DOCK10: variants seen among roughly 807,000 people sequenced by gnomAD.
The protein encoded by DOCK10 is dedicator of cytokinesis protein 10.
A neutral mutation model predicts 280.1 loss-of-function variants in DOCK10; 145 were observed. The ratio of observed to expected loss-of-function variants is 0.52; its 90% confidence interval spans 0.45 to 0.59. The LOEUF (loss-of-function observed/expected upper bound fraction) is 0.59. DOCK10 is among the 20% of genes least tolerant of loss of function. DOCK10 has a pLI of 0.00. For missense variants in DOCK10, 2,368 were observed against 2,651.7 expected, an observed-to-expected ratio of 0.89 and a Z score of 2.35; for synonymous variants, 915 against 942.2, an observed-to-expected ratio of 0.97 and a Z score of 0.53.
intron 3 of DOCK10, among the ~76,000 whole-genome samples, chr2:224,902,357 C>T (rs879941545): frequency 3.3e-5 from 5 of 152,084 alleles, no homozygotes; most frequent in Admixed American, 2.6e-4. Flanking sequence ...TTAATGCAAG[C>T]ATAAATGGTG....
chr2:224,982,582 T>C, intron 1 of DOCK10: 1 of 901,860 alleles, frequency 1.1e-6, no homozygotes, highest in Non-Finnish European at 1.3e-6. Flanking sequence ...CTCAGGAATA[T>C]TAGAGCACTG....
chr2:224,790,202 T>C (rs1300978376), intron 47 of DOCK10, among the ~76,000 whole-genome samples: 2 of 152,220 alleles, frequency 1.3e-5, no homozygotes, highest in African/African-American at 4.8e-5. Flanking sequence ...CAGTTGATAA[T>C]GGGTAACATT....
intron 20 of DOCK10, 45 bp from the exon 21 acceptor site, chr2:224,845,369 A>T: frequency 6.4e-7 from 1 of 1,568,900 alleles, no homozygotes; most frequent in Non-Finnish European, 8.6e-7. Context: ...ACAAACCTCC[A>T]TGGTAAGAAG....
rs1436812889 is a variant in DOCK10, at chr2:224,854,946, T to C, written c.1888+17A>G. 3.1e-6 allele frequency: 5 copies of C among 1,587,908 alleles called. No homozygotes were observed. Among genetic ancestry groups the C allele is most frequent in the Non-Finnish European group, 4.3e-6 (5 of 1,162,030 alleles). ...TATTCAAAACTCTGCAACCAAACCA[T>C]GACATCATCATCATACTTGGATGCT... is the stretch of plus-strand genomic sequence containing the variant. On this transcript the variant is annotated intron_variant, in intron 16 of 55. Transcript: ENST00000258390.
At chr2:224,884,185 C>A (rs572208040) in intron 7 of DOCK10, among the ~76,000 whole-genome samples, 5 of 152,180 alleles carry the variant, frequency 3.3e-5, no homozygotes, top group Admixed American at 3.3e-4. Flanking sequence ...TAATTTTTTC[C>A]TTTTAAAGTT....
Position 224,787,289 on chromosome 2 carries a change from G to T in DOCK10, c.5527C>A (p.Gln1843Lys). Residue 1843 changes from glutamine to lysine, a missense_variant, in exon 49 of 56, where the codon CAA becomes AAA. Physicochemically the swap from Gln to Lys is moderately conservative, Grantham distance 53. Around this residue, in one of 2 missense-constraint regions of DOCK10, gnomAD observed 1,159 missense variants for 1,400.8 expected, o/e 0.83. Transcript: ENST00000258390. The part of the protein sequence containing the change: ...NKPIIAVFEK[Q>K]RDFKKLSDLY... ...GGAATACATACTTTGAAGTCTCGTT[G>T]TTTCTCAAAGACAGCAATGATGGGC... 1 of 1,613,938 alleles carries T rather than the reference G, an allele frequency of 6.2e-7. No individual in the cohort carries two copies. Among genetic ancestry groups the T allele is most frequent in the African/African-American group, 1.3e-5 (1 of 75,034 alleles).
At position 224,873,989 on chromosome 2, in the gene DOCK10, A is replaced by T; in HGVS notation, c.1257+7T>A. The T allele has an allele frequency of 6.2e-7, 1 of 1,608,788 alleles. No individual in the cohort carries two copies. Among genetic ancestry groups the T allele is most frequent in the East Asian group, 2.2e-5 (1 of 44,806 alleles). ...ATGGTATAGGATGTAACAGAGGAGAAACTTACATTCGTTATCGGATCATTT... is the reference window on the plus strand; with the variant it reads ...ATGGTATAGGATGTAACAGAGGAGATACTTACATTCGTTATCGGATCATTT... On this transcript the variant is annotated splice_region_variant and intron_variant, in intron 11 of 55. Transcript: ENST00000258390.
chr2:224,808,224 T>G, intron 31 of DOCK10, 138 bp from the exon 32 acceptor site: 1 of 768,976 alleles, frequency 1.3e-6, no homozygotes. Flanking sequence ...GCTACAGAAA[T>G]GAGGTGTGTT....
intron 1 of DOCK10, among the ~76,000 whole-genome samples, chr2:225,022,227 TC>T (rs1689800329): frequency 6.6e-6 from 1 of 152,186 alleles, no homozygotes; most frequent in African/African-American, 2.4e-5. Context: ...AACTGTGTAA[TC>T]TTGTCTTAGA....
chr2:224,831,350 T>C (rs1044336031), intron 26 of DOCK10, among the ~76,000 whole-genome samples: 1 of 152,102 alleles, frequency 6.6e-6, no homozygotes, highest in African/African-American at 2.4e-5. Flanking sequence ...AAGCTGAAAA[T>C]GTGTTAAATA....
chr2:225,014,437 G>A (rs1689536733), intron 1 of DOCK10, among the ~76,000 whole-genome samples: 2 of 151,972 alleles, frequency 1.3e-5, no homozygotes, highest in Admixed American at 1.3e-4. Flanking sequence ...ACTAAGATAT[G>A]ATAATATCAG....
At chr2:225,000,655 G>A (rs1250480687) in intron 1 of DOCK10, among the ~76,000 whole-genome samples, 1 of 152,176 alleles carries the variant, frequency 6.6e-6, no homozygotes, top group East Asian at 1.9e-4. Flanking sequence ...TTCCCTCAGA[G>A]AAAGGTTGCC....
chr2:224,855,873 TTAC>T (rs1370311153), intron 15 of DOCK10, among the ~76,000 whole-genome samples: 12 of 152,198 alleles, frequency 7.9e-5, no homozygotes, highest in African/African-American at 2.9e-4. Flanking sequence ...TTACATAAAC[TTAC>T]CATTAAAGAA....
intron 1 of DOCK10, among the ~76,000 whole-genome samples, chr2:225,005,121 C>A (rs968259283): frequency 6.6e-6 from 1 of 152,022 alleles, no homozygotes; most frequent in Non-Finnish European, 1.5e-5. Context: ...GGAAAAAAAC[C>A]TTTTTGTCAT....
At chr2:224,967,309 T>C (rs1704825922) in intron 1 of DOCK10, among the ~76,000 whole-genome samples, 1 of 152,312 alleles carries the variant, frequency 6.6e-6, no homozygotes, top group East Asian at 1.9e-4. Flanking sequence ...CTTTATCTCC[T>C]GACCTTGTGA....
At chr2:224,947,883 C>T (rs1055526563) in intron 1 of DOCK10, among the ~76,000 whole-genome samples, 5 of 152,078 alleles carry the variant, frequency 3.3e-5, no homozygotes, top group African/African-American at 1.2e-4. Flanking sequence ...ACACGCGGCA[C>T]TCAAAAGGCT....
chr2:224,918,535 C>T (rs934025365), intron 2 of DOCK10, among the ~76,000 whole-genome samples: 27 of 136,110 alleles, frequency 2.0e-4, no homozygotes, highest in African/African-American at 5.0e-4. Context: ...GAGTGTGTGA[C>T]GAATGTGTAT....
At chr2:224,984,530 T>C (rs1705911894) in intron 1 of DOCK10, among the ~76,000 whole-genome samples, 1 of 152,198 alleles carries the variant, frequency 6.6e-6, no homozygotes, top group Non-Finnish European at 1.5e-5. Flanking sequence ...TCATTCTGTC[T>C]CCTCTCTCTG....
chr2:224,936,609 G>A (rs969210055), intron 1 of DOCK10, among the ~76,000 whole-genome samples: 1 of 120,330 alleles, frequency 8.3e-6, no homozygotes, highest in Admixed American at 8.8e-5. Context: ...GTAATAAAAA[G>A]CAAAATTGTT....
Sources: gnomAD v4.1 joint callset for allele counts (sites outside exome capture counted in the v4.1 genomes callset) on GRCh38, gnomAD v4.1.1 for gene constraint, gnomAD v4.1.1 regional missense constraint, MANE v1.5 for transcripts, NCBI Gene and HGNC (gene_info 2026-07-23, HGNC 2026-07-21) for gene names.